TENM2: variants seen among roughly 807,000 people sequenced by gnomAD.
The protein encoded by TENM2 is teneurin transmembrane protein 2.
Under a neutral mutation model 245.2 loss-of-function variants are expected in TENM2, and 52 were observed. The ratio of observed to expected loss-of-function variants is 0.21; its 90% CI spans 0.17 to 0.27. The LOEUF (loss-of-function observed/expected upper bound fraction) is 0.27, where lower values mean the gene tolerates loss of function less well. Among genes scored for constraint, TENM2 ranks in the 10% least tolerant of loss-of-function variants. The pLI is 1.00. For synonymous variants in TENM2, 1,363 were observed against 1,438.9 expected, an observed-to-expected ratio of 0.95 and a Z score of 1.19; for missense variants, 3,046 against 3,666.8, an observed-to-expected ratio of 0.83 and a Z score of 4.37.
At chr5:167,207,439 A>T in the TENM2 span, among the ~76,000 whole-genome samples, 1 of 152,218 alleles carries the variant, frequency 6.6e-6, no homozygotes, top group Non-Finnish European at 1.5e-5. Context: ...GGTTTTATTT[A>T]TGTTACAAAA....
intron 1 of TENM2, among the ~76,000 whole-genome samples, chr5:167,295,550 G>A (rs1412134190): frequency 2.0e-5 from 3 of 152,170 alleles, no homozygotes; most frequent in Admixed American, 2.0e-4. Context: ...TTTACAATCT[G>A]TGTCCAGGAG....
chr5:167,808,983 C>T (rs1409216643), intron 2 of TENM2, among the ~76,000 whole-genome samples: 7 of 152,078 alleles, frequency 4.6e-5, no homozygotes, highest in East Asian at 1.9e-4. Context: ...TAAACTGTGC[C>T]GCACCCTCAG....
At chr5:167,466,497 CG>C (rs1561979984) in intron 2 of TENM2, among the ~76,000 whole-genome samples, 2 of 152,180 alleles carry the variant, frequency 1.3e-5, no homozygotes, top group Non-Finnish European at 2.9e-5. Context: ...CTACTGTTTT[CG>C]AGGTTTCTCA....
chr5:167,215,177 C>A, the TENM2 span, among the ~76,000 whole-genome samples: 29,564 of 152,024 alleles, frequency 0.19, 3,277 homozygotes, highest in African/African-American at 0.3. Context: ...GAGCTTGCTC[C>A]CTCTGAACTT....
chr5:168,100,940 AAGAC>A (rs1793764190), intron 9 of TENM2, among the ~76,000 whole-genome samples: 1 of 151,280 alleles, frequency 6.6e-6, no homozygotes, highest in African/African-American at 2.4e-5. Flanking sequence ...AAAAAAAAAA[AAGAC>A]AAGATGCTGC....
At chr5:167,502,884 C>T (rs1769299412) in intron 2 of TENM2, among the ~76,000 whole-genome samples, 1 of 152,084 alleles carries the variant, frequency 6.6e-6, no homozygotes, top group Non-Finnish European at 1.5e-5. Flanking sequence ...CTGTATACAC[C>T]AGCTTTTGAG....
At chr5:167,093,832 A>T in the TENM2 span, among the ~76,000 whole-genome samples, 1 of 152,154 alleles carries the variant, frequency 6.6e-6, no homozygotes, top group Non-Finnish European at 1.5e-5. Flanking sequence ...TGAAAAGATG[A>T]TTTTCATAGT....
chr5:167,877,466 A>G (rs777151335), intron 3 of TENM2, among the ~76,000 whole-genome samples: 1 of 152,240 alleles, frequency 6.6e-6, no homozygotes, highest in Non-Finnish European at 1.5e-5. Flanking sequence ...AAGGCCTTTA[A>G]TCTACCATAA....
At chr5:167,331,596 C>T (rs909245361) in intron 1 of TENM2, among the ~76,000 whole-genome samples, 7 of 152,174 alleles carry the variant, frequency 4.6e-5, no homozygotes, top group East Asian at 1.9e-4. Flanking sequence ...CTTTGTTGGG[C>T]GCGAAGAAGG....
intron 9 of TENM2, among the ~76,000 whole-genome samples, chr5:168,117,594 A>G (rs1795173267): frequency 6.6e-6 from 1 of 152,214 alleles, no homozygotes; most frequent in Middle Eastern, 3.2e-3. Context: ...TTATTGTACC[A>G]TATTCACCTA....
chr5:167,705,588 G>A (rs1758450743), intron 2 of TENM2, among the ~76,000 whole-genome samples: 1 of 152,068 alleles, frequency 6.6e-6, no homozygotes, highest in South Asian at 2.1e-4. Context: ...TGGTGGGGAG[G>A]GGAAATAAGG....
intron 1 of TENM2, among the ~76,000 whole-genome samples, chr5:167,363,517 G>C (rs1425674788): frequency 6.6e-6 from 1 of 151,924 alleles, no homozygotes; most frequent in Non-Finnish European, 1.5e-5. Flanking sequence ...GGATCACAAG[G>C]TCAGGAGGTC....
chr5:167,101,154 G>A, the TENM2 span, among the ~76,000 whole-genome samples: 1 of 152,060 alleles, frequency 6.6e-6, no homozygotes, highest in Non-Finnish European at 1.5e-5. Flanking sequence ...GATTTATTTT[G>A]TGCTCCCCAC....
intron 1 of TENM2, chr5:167,297,603 G>C (rs1266871638): frequency 6.6e-6 from 1 of 152,306 alleles, no homozygotes; most frequent in East Asian, 1.9e-4. Context: ...GAAGTCAGTA[G>C]GGAAAGATTC....
At chr5:168,173,493 C>T (rs946313342) in intron 13 of TENM2, among the ~76,000 whole-genome samples, 6 of 152,036 alleles carry the variant, frequency 3.9e-5, no homozygotes, top group African/African-American at 1.2e-4. Flanking sequence ...CCTTCACTTT[C>T]GCCCCCTCAG....
chr5:167,210,524 C>A, the TENM2 span, among the ~76,000 whole-genome samples: 1 of 140,834 alleles, frequency 7.1e-6, no homozygotes, highest in Non-Finnish European at 1.5e-5. Context: ...ACTGCAGTGG[C>A]GCAATCTCGG....
intron 1 of TENM2, among the ~76,000 whole-genome samples, chr5:167,327,131 C>T (rs918907418): frequency 3.9e-5 from 6 of 152,082 alleles, no homozygotes; most frequent in Non-Finnish European, 7.4e-5. Flanking sequence ...CCCATTAACT[C>T]GTCATTTAGC....
chr5:168,145,707 T>G (rs1455873866), intron 12 of TENM2, among the ~76,000 whole-genome samples: 1 of 151,632 alleles, frequency 6.6e-6, no homozygotes, highest in Non-Finnish European at 1.5e-5. Flanking sequence ...TTTTTTCCAA[T>G]TCTGTGAAGA....
chr5:167,555,492 TCTC>T (rs1773211131), intron 2 of TENM2, among the ~76,000 whole-genome samples: 1 of 152,296 alleles, frequency 6.6e-6, no homozygotes, highest in South Asian at 2.1e-4. Flanking sequence ...GTTATTGTCT[TCTC>T]CTCACTGTAC....
Sources: gnomAD v4.1 joint callset for allele counts (sites outside exome capture counted in the v4.1 genomes callset) on GRCh38, gnomAD v4.1.1 for gene constraint, MANE v1.5 for transcripts, NCBI Gene and HGNC (gene_info 2026-07-23, HGNC 2026-07-21) for gene names.